Variants in CNTN5 observed in about 807,000 individuals in gnomAD.
The protein encoded by CNTN5 is contactin-5.
CNTN5 carries 77 observed loss-of-function variants against 129.1 expected under a neutral mutation model. The observed-to-expected ratio is 0.60, with a 90% CI of 0.50 to 0.72. CNTN5 has a LOEUF of 0.72. Among genes scored for constraint, CNTN5 ranks in the 30% least tolerant of loss-of-function variants. CNTN5 has a pLI of 0.00. For synonymous variants in CNTN5, 509 were observed against 465.6 expected, an observed-to-expected ratio of 1.09 and a Z score of -1.20; for missense variants, 1,478 against 1,328.8, an observed-to-expected ratio of 1.11 and a Z score of -1.75.
At chr11:99,334,270 C>G (rs983732908) in intron 2 of CNTN5, among the ~76,000 whole-genome samples, 1 of 152,012 alleles carries the variant, frequency 6.6e-6, no homozygotes, top group African/African-American at 2.4e-5. Flanking sequence ...GAAATACACA[C>G]AGGACTATTC....
At chr11:100,312,372 T>C (rs1444597325) in intron 21 of CNTN5, among the ~76,000 whole-genome samples, 1 of 152,048 alleles carries the variant, frequency 6.6e-6, no homozygotes, top group African/African-American at 2.4e-5. Flanking sequence ...CTGTATTCTT[T>C]TTCCCTCGAA....
At chr11:99,133,783 A>G (rs889202847) in intron 1 of CNTN5, among the ~76,000 whole-genome samples, 4 of 152,212 alleles carry the variant, frequency 2.6e-5, no homozygotes, top group South Asian at 2.1e-4. Flanking sequence ...TCGTGGAGAA[A>G]TAGGAATGCT....
intron 1 of CNTN5, among the ~76,000 whole-genome samples, chr11:99,165,157 A>T (rs1244637895): frequency 6.6e-6 from 1 of 152,208 alleles, no homozygotes; most frequent in Non-Finnish European, 1.5e-5. Context: ...TCAGTAGTTA[A>T]TGAGGTTGTA....
intron 2 of CNTN5, among the ~76,000 whole-genome samples, chr11:99,530,499 T>C (rs891277658): frequency 1.3e-5 from 2 of 152,204 alleles, no homozygotes; most frequent in Non-Finnish European, 2.9e-5. Flanking sequence ...AGCCAAACTT[T>C]CCACAGCCCT....
chr11:99,146,633 C>T (rs1203478382), intron 1 of CNTN5, among the ~76,000 whole-genome samples: 1 of 152,210 alleles, frequency 6.6e-6, no homozygotes, highest in Non-Finnish European at 1.5e-5. Context: ...GAAAAATGAT[C>T]TATAAATACT....
chr11:99,678,965 C>CTA (rs1343952874), intron 3 of CNTN5, among the ~76,000 whole-genome samples: 26 of 148,210 alleles, frequency 1.8e-4, no homozygotes, highest in African/African-American at 5.9e-4. Context: ...CTCTCTCTCT[C>CTA]TCTATATATA....
At chr11:99,294,646 A>C (rs1291990546) in intron 1 of CNTN5, among the ~76,000 whole-genome samples, 1 of 152,186 alleles carries the variant, frequency 6.6e-6, no homozygotes, top group Non-Finnish European at 1.5e-5. Context: ...ACTGTTTACA[A>C]AACTGTAAAC....
chr11:99,090,303 G>C (rs1278411534), intron 1 of CNTN5, among the ~76,000 whole-genome samples: 1 of 152,132 alleles, frequency 6.6e-6, no homozygotes, highest in Non-Finnish European at 1.5e-5. Context: ...GCCCCTTGAA[G>C]TTATTATGGG....
chr11:99,262,515 T>C lies in CNTN5; in HGVS notation c.-209-62831T>C, dbSNP rs1447666348. On this transcript the variant is annotated intron_variant, in intron 1 of 24. Transcript: ENST00000524871. ...AGCTTTTATTTTGTCTACTCTATAA[T>C]ACCTCTTTCAAAATGTTGGCATAAT... Among the ~76,000 whole-genome samples, 26 of 152,042 alleles carry C rather than the reference T, an allele frequency of 1.7e-4. No individual in the cohort carries two copies. The East Asian group carries it at 1.9e-3, about 11-fold the overall frequency.
chr11:100,021,673 T>C (rs1480114905), intron 9 of CNTN5, among the ~76,000 whole-genome samples: 2 of 152,164 alleles, frequency 1.3e-5, no homozygotes, highest in African/African-American at 4.8e-5. Flanking sequence ...TGTATGTATA[T>C]ATGAAAGAGT....
chr11:99,747,667 G>GT (rs1944099531), intron 3 of CNTN5, among the ~76,000 whole-genome samples: 1 of 151,586 alleles, frequency 6.6e-6, no homozygotes, highest in Admixed American at 6.6e-5. Context: ...TAGAGACGAG[G>GT]TTTCACTGTG....
chr11:99,530,353 T>C (rs1287932404), intron 2 of CNTN5, among the ~76,000 whole-genome samples: 1 of 152,210 alleles, frequency 6.6e-6, no homozygotes, highest in Non-Finnish European at 1.5e-5. Flanking sequence ...GTTGCTGTAG[T>C]ATGAAACCAC....
intron 9 of CNTN5, among the ~76,000 whole-genome samples, chr11:100,055,371 T>C (rs1452011846): frequency 6.6e-6 from 1 of 151,604 alleles, no homozygotes; most frequent in East Asian, 1.9e-4. Context: ...CTGTTGCTAT[T>C]ACTATTATTT....
intron 21 of CNTN5, among the ~76,000 whole-genome samples, chr11:100,327,538 A>G (rs1287355886): frequency 6.6e-6 from 1 of 152,174 alleles, no homozygotes; most frequent in Non-Finnish European, 1.5e-5. Context: ...GATCTGTATC[A>G]ATATATAGCT....
chr11:100,291,521 C>T (rs1950970867), intron 18 of CNTN5, among the ~76,000 whole-genome samples: 1 of 149,210 alleles, frequency 6.7e-6, no homozygotes, highest in Non-Finnish European at 1.5e-5. Flanking sequence ...AAAAACCAAA[C>T]ACCGCATATT....
chr11:99,543,156 A>T (rs151096309), intron 2 of CNTN5, among the ~76,000 whole-genome samples: 19 of 152,314 alleles, frequency 1.2e-4, no homozygotes, highest in African/African-American at 3.8e-4. Context: ...GGGTGATAAA[A>T]ATCTCAGTTT....
At chr11:100,139,791 G>A (rs1946635516) in intron 13 of CNTN5, among the ~76,000 whole-genome samples, 1 of 152,192 alleles carries the variant, frequency 6.6e-6, no homozygotes, top group African/African-American at 2.4e-5. Context: ...TTGAACCTGG[G>A]AGGTGGAGGC....
intron 2 of CNTN5, among the ~76,000 whole-genome samples, chr11:99,485,016 A>C (rs1945754566): frequency 6.6e-6 from 1 of 152,140 alleles, no homozygotes; most frequent in Admixed American, 6.5e-5. Flanking sequence ...GCTCTGTAGG[A>C]TGACTATAGT....
chr11:100,221,859 G>A (rs376749357), intron 15 of CNTN5, among the ~76,000 whole-genome samples: 3 of 152,050 alleles, frequency 2.0e-5, no homozygotes, highest in East Asian at 1.9e-4. Flanking sequence ...AAAACAAAGG[G>A]TAATTCCTAA....
Sources: gnomAD v4.1 joint callset for allele counts (sites outside exome capture counted in the v4.1 genomes callset) on GRCh38, gnomAD v4.1.1 for gene constraint, MANE v1.5 for transcripts, NCBI Gene and HGNC (gene_info 2026-07-23, HGNC 2026-07-21) for gene names.